Variants in EBF4 observed in about 807,000 individuals in gnomAD.
The protein encoded by EBF4 is transcription factor COE4.
In EBF4, 34 loss-of-function variants were observed where a neutral mutation model predicts 67.1. The observed-to-expected ratio is 0.51, with a 90% CI of 0.39 to 0.67. EBF4 has a LOEUF of 0.67. EBF4 is among the 30% of genes least tolerant of loss of function. The pLI, the probability that EBF4 is intolerant of heterozygous loss-of-function variation, is 0.00. For synonymous variants in EBF4, 387 were observed against 377.7 expected (o/e 1.02, Z -0.29); for missense variants, 837 against 873.3 (o/e 0.96, Z 0.52).
At chr20:2,752,889 C>G (rs1315168062) in intron 14 of EBF4, among the ~76,000 whole-genome samples, 3 of 152,248 alleles carry the variant, frequency 2.0e-5, no homozygotes, top group African/African-American at 7.2e-5. Flanking sequence ...GACACCGCCC[C>G]CTTCCCATCT....
At chr20:2,695,466 GTGAGGGCCACA>G (rs2087275394) in intron 1 of EBF4, among the ~76,000 whole-genome samples, 3 of 149,244 alleles carry the variant, frequency 2.0e-5, no homozygotes, top group African/African-American at 7.6e-5. Context: ...TCCCCACATT[GTGAGGGCCACA>G]TTGCTGGGAT....
At position 2,752,558 on chromosome 20, in the gene EBF4, C is replaced by G; in HGVS notation, c.1540+13C>G. 1.6e-6 allele frequency: 2 copies of G among 1,236,040 alleles called. No individual in the cohort carries two copies. The highest frequency in any genetic ancestry group is 2.0e-6 in the Non-Finnish European group (2 of 987,096). The allele number at this position is 1,236,040 out of a possible 1,614,324, so 76.6% of individuals were successfully genotyped here. ...TCGCCCTTCGCCAGTGAGTGTCCCC[C>G]GCCCGCGAGGGAAGGTCTGGGGCCG... On this transcript the variant is annotated intron_variant, in intron 14 of 16. Coordinates refer to ENST00000609451, the Ensembl canonical transcript of EBF4.
At chr20:2,741,376 G>T (rs913169022) in intron 6 of EBF4, among the ~76,000 whole-genome samples, 2 of 151,980 alleles carry the variant, frequency 1.3e-5, no homozygotes, top group South Asian at 2.1e-4. Flanking sequence ...TTTAACAGTG[G>T]ACTCACATCA....
Position 2,693,745 on chromosome 20 carries a change from G to A in EBF4, c.100G>A (p.Gly34Ser). 7.4e-7 allele frequency: 1 copy of A among 1,350,452 alleles called. No individual in the cohort carries two copies. Among genetic ancestry groups the A allele is most frequent in the African/African-American group, 1.5e-5 (1 of 65,238 alleles). 83.7% of individuals were successfully genotyped at this position (1,350,452 alleles called of 1,614,324 possible). ...GGGCTCAGTGCGCTCCTGGATGCAG[G>A]GCGCGGGCATCCTGGACGCCAGCAC... The change falls in exon 1 of 17, where the codon GGC (glycine) becomes AGC (serine). Residue 34 changes from glycine to serine, a missense_variant. Coordinates refer to ENST00000609451, the Ensembl canonical transcript of EBF4. The surrounding 1 kb of genome is among the most constrained non-coding windows in gnomAD (Gnocchi z 4.6).
chr20:2,749,413 A>C (rs953811128), exon 8 of EBF4: 6 of 1,542,666 alleles, frequency 3.9e-6, no homozygotes, highest in East Asian at 4.9e-5. Flanking sequence ...GGTGGTGTCC[A>C]CGACGGTGAG....
chr20:2,718,681 A>G (rs2087641578), intron 6 of EBF4, among the ~76,000 whole-genome samples: 1 of 152,160 alleles, frequency 6.6e-6, no homozygotes, highest in South Asian at 2.1e-4. Flanking sequence ...TTCCTCATCA[A>G]TCTGGCTACA....
intron 15 of EBF4, among the ~76,000 whole-genome samples, chr20:2,757,223 G>A (rs1467234493): frequency 6.6e-6 from 1 of 152,206 alleles, no homozygotes; most frequent in Non-Finnish European, 1.5e-5. Context: ...AAGAGGATGG[G>A]AAAGCTCAGG....
chr20:2,707,852 G>A lies in EBF4; in HGVS notation c.415-95G>A. On this transcript the variant is annotated intron_variant, in intron 4 of 16. Coordinates refer to ENST00000609451, the Ensembl canonical transcript of EBF4. The surrounding 1 kb of genome is among the most constrained non-coding windows in gnomAD (Gnocchi z 4.6). ...CTTCCCTGGGGCAGGGTCTCCCTGG[G>A]CCTAGGCTTGGGAGATGCCAGGTCC... 7.9e-7 allele frequency: 1 copy of A among 1,262,968 alleles called. No homozygotes were observed. 78.2% of individuals were successfully genotyped at this position (1,262,968 alleles called of 1,614,324 possible). A position where few individuals can be genotyped will look rare whatever the true frequency, so the allele number is the denominator to read the frequency against.
intron 5 of EBF4, among the ~76,000 whole-genome samples, chr20:2,709,030 AC>A (rs1216429041): frequency 6.6e-6 from 1 of 152,070 alleles, no homozygotes; most frequent in Non-Finnish European, 1.5e-5. Context: ...TACCAAAATT[AC>A]AAAAATTAGC....
chr20:2,705,141 C>G (rs1407110851), intron 1 of EBF4, among the ~76,000 whole-genome samples: 2 of 152,250 alleles, frequency 1.3e-5, no homozygotes, highest in Non-Finnish European at 2.9e-5. Flanking sequence ...ACAGCCTCAG[C>G]CTGGGCTGGG....
Position 2,747,879 on chromosome 20 carries a change from C to T in EBF4, c.558-670C>T, listed in dbSNP as rs957469585. Among the ~76,000 whole-genome samples the T allele has an allele frequency of 3.3e-5, 5 of 152,074 alleles. No homozygotes were observed. In the East Asian group the frequency reaches 9.6e-4, roughly 29 times the overall value. ...GTATGCCATATGTGTGGGATGAGTGCAGGCTATATGTGGAGTACATGTTGT... is the reference window on the plus strand; with the variant it reads ...GTATGCCATATGTGTGGGATGAGTGTAGGCTATATGTGGAGTACATGTTGT... On this transcript the variant is annotated intron_variant, in intron 6 of 16. Coordinates refer to ENST00000609451, the Ensembl canonical transcript of EBF4. The surrounding 1 kb of genome is among the most constrained non-coding windows in gnomAD (Gnocchi z 4.6).
chr20:2,726,815 C>T (rs1458758262), intron 6 of EBF4, among the ~76,000 whole-genome samples: 1 of 152,076 alleles, frequency 6.6e-6, no homozygotes. Context: ...AATTTTCCAT[C>T]TTCACATTCA....
intron 6 of EBF4, among the ~76,000 whole-genome samples, chr20:2,736,516 A>G (rs1032471110): frequency 1.3e-5 from 2 of 152,176 alleles, no homozygotes; most frequent in Admixed American, 1.3e-4. Context: ...AACTAGCCCA[A>G]TGTCATCCAT....
At chr20:2,709,510 C>G in intron 5 of EBF4, 64 bp from the exon 6 acceptor site, 1 of 1,465,174 alleles carries the variant, frequency 6.8e-7, no homozygotes, top group Non-Finnish European at 9.2e-7. Context: ...CCACAACTCA[C>G]ACACTGTCGT....
intron 6 of EBF4, among the ~76,000 whole-genome samples, chr20:2,722,534 C>G (rs1016774889): frequency 1.3e-5 from 2 of 152,206 alleles, no homozygotes; most frequent in Non-Finnish European, 2.9e-5. Context: ...TGTCTCCTCT[C>G]CAAGAAATCT....
chr20:2,704,115 A>AGT (rs2087416816), intron 1 of EBF4, among the ~76,000 whole-genome samples: 1 of 151,582 alleles, frequency 6.6e-6, no homozygotes, highest in Admixed American at 6.6e-5. Context: ...ATATGCTATT[A>AGT]CTCCTGCCAT....
rs1413806487 is a variant in EBF4 at position 2,755,758 on chromosome 20, C to T, written c.1672C>T (p.Pro558Ser). The T allele has an allele frequency of 6.4e-7, 1 of 1,550,612 alleles. No individual in the cohort carries two copies. Among genetic ancestry groups the T allele is most frequent in the African/African-American group, 1.4e-5 (1 of 73,016 alleles). ...CGTCAAACAGAGGAGCGCCTTCGCC[C>T]CCGTGCTGCGCCCCCCAAGCTCCCC... The change falls in exon 15 of 17, where the codon CCC becomes TCC. Residue 558 changes from proline (P) to serine (S), a missense_variant. Transcript: ENST00000609451. The surrounding 1 kb of genome is among the most constrained non-coding windows in gnomAD (Gnocchi z 4.7).
intron 6 of EBF4, among the ~76,000 whole-genome samples, chr20:2,720,365 GGATTACAGGTGTGA>G (rs2087664372): frequency 6.6e-6 from 1 of 152,000 alleles, no homozygotes. Flanking sequence ...CAAAGTGCTG[GGATTACAGGTGTGA>G]GCCACCGCCC....
At chr20:2,748,564 C>T (rs1272776817) in exon 7 of EBF4, 3 of 1,551,544 alleles carry the variant, frequency 1.9e-6, no homozygotes, top group Admixed American at 3.9e-5. Flanking sequence ...TCCTCAAGTT[C>T]TTCCTCAAAT....
Sources: allele counts gnomAD v4.1 joint callset (sites outside exome capture counted in the v4.1 genomes callset), GRCh38; gene constraint gnomAD v4.1.1; non-coding constraint Gnocchi (gnomAD v3.1); transcripts MANE v1.5; gene names NCBI Gene and HGNC (gene_info 2026-07-23, HGNC 2026-07-21).